Variants in SLC60A2 observed in about 807,000 individuals in gnomAD.
SLC60A2 encodes solute carrier family 60 member 2.
chr6:111,262,351 G>A, the SLC60A2 span: 4 of 1,613,980 alleles, frequency 2.5e-6, no homozygotes, highest in South Asian at 2.2e-5. Flanking sequence ...TTTGTGGGTC[G>A]TGCCTTGGGA....
the SLC60A2 span, chr6:111,264,088 A>G: frequency 1.9e-6 from 1 of 525,628 alleles, no homozygotes; most frequent in Non-Finnish European, 3.4e-6. Flanking sequence ...AGAATGAATC[A>G]CCCTTCTAGC....
the SLC60A2 span, chr6:111,270,252 G>A: frequency 6.6e-5 from 10 of 152,276 alleles, no homozygotes; most frequent in South Asian, 1.2e-3. Flanking sequence ...ATATTCTAGC[G>A]TCTAGAAGCA....
the SLC60A2 span, chr6:111,266,774 A>G: frequency 3.1e-6 from 5 of 1,614,126 alleles, no homozygotes; most frequent in East Asian, 2.2e-5. Context: ...TTCCTGTGCT[A>G]TATAAATTAG....
chr6:111,272,562 A>G, the SLC60A2 span, among the ~76,000 whole-genome samples: 12 of 144,030 alleles, frequency 8.3e-5, no homozygotes, highest in Non-Finnish European at 1.0e-4. Context: ...CCCAGGCTGC[A>G]GTGTAATGGC....
chr6:111,267,303 T>G, the SLC60A2 span: 1 of 568,018 alleles, frequency 1.8e-6, no homozygotes, highest in Non-Finnish European at 3.1e-6. Context: ...AATAACCAAA[T>G]GGTCTCATAC....
chr6:111,271,840 G>T, the SLC60A2 span, among the ~76,000 whole-genome samples: 254 of 142,598 alleles, frequency 1.8e-3, 1 homozygote, highest in Non-Finnish European at 2.8e-3. Flanking sequence ...GTGGTGGCAG[G>T]CATTTGTAAT....
At chr6:111,267,135 C>G in the SLC60A2 span, 5 of 1,576,358 alleles carry the variant, frequency 3.2e-6, no homozygotes, top group Non-Finnish European at 4.3e-6. Context: ...ATGGATTACT[C>G]ACTGACATCT....
the SLC60A2 span, chr6:111,278,802 G>A: frequency 6.6e-6 from 1 of 152,160 alleles, no homozygotes; most frequent in Non-Finnish European, 1.5e-5. Flanking sequence ...GAATGATATA[G>A]GAAGTTCTTA....
chr6:111,279,383 G>A, the SLC60A2 span, among the ~76,000 whole-genome samples: 7 of 151,722 alleles, frequency 4.6e-5, no homozygotes, highest in Non-Finnish European at 8.8e-5. Context: ...TGAGTAGCTG[G>A]GACTACAGGC....
At chr6:111,266,306 T>C in the SLC60A2 span, 1 of 1,613,996 alleles carries the variant, frequency 6.2e-7, no homozygotes, top group Non-Finnish European at 8.5e-7. Flanking sequence ...AGGTAACATA[T>C]GGCTCTTATG....
the SLC60A2 span, chr6:111,262,425 G>A: frequency 2.5e-6 from 4 of 1,608,666 alleles, no homozygotes; most frequent in Non-Finnish European, 3.4e-6. Flanking sequence ...TTTACTTTTG[G>A]GTAAGTAAAT....
At chr6:111,264,465 T>G in the SLC60A2 span, among the ~76,000 whole-genome samples, 2 of 152,112 alleles carry the variant, frequency 1.3e-5, no homozygotes, top group African/African-American at 4.8e-5. Flanking sequence ...TGCAGTAGAT[T>G]CTTTCCCGTA....
the SLC60A2 span, among the ~76,000 whole-genome samples, chr6:111,272,950 C>G: frequency 6.6e-6 from 1 of 152,012 alleles, no homozygotes; most frequent in Non-Finnish European, 1.5e-5. Flanking sequence ...CCTGCCTCAG[C>G]CTCCCAAGTA....
chr6:111,276,619 A>C, the SLC60A2 span, among the ~76,000 whole-genome samples: 1 of 152,192 alleles, frequency 6.6e-6, no homozygotes, highest in Non-Finnish European at 1.5e-5. Context: ...CTAAGTATTA[A>C]TGAACTTTCT....
the SLC60A2 span, chr6:111,266,283 T>TATGTTG: frequency 1.2e-6 from 2 of 1,614,138 alleles, no homozygotes; most frequent in Non-Finnish European, 1.7e-6. Context: ...CTTCTTTTTT[T>TATGTTG]ATGTTGGAGC....
At chr6:111,263,360 T>TA in the SLC60A2 span, among the ~76,000 whole-genome samples, 15 of 152,360 alleles carry the variant, frequency 9.8e-5, no homozygotes, top group South Asian at 3.1e-3. Flanking sequence ...TAATCCCTCT[T>TA]ATTTCCAAAG....
chr6:111,272,831 A>G, the SLC60A2 span, among the ~76,000 whole-genome samples: 2 of 150,876 alleles, frequency 1.3e-5, no homozygotes, highest in Non-Finnish European at 2.9e-5. Context: ...CTGTATATAT[A>G]TATGTGTATA....
the SLC60A2 span, among the ~76,000 whole-genome samples, chr6:111,273,920 A>T: frequency 1.6e-4 from 24 of 152,154 alleles, no homozygotes; most frequent in Admixed American, 3.3e-4. Flanking sequence ...GTGGGGCCTC[A>T]GTATGTTTCC....
the SLC60A2 span, chr6:111,262,512 A>C: frequency 1.5e-6 from 2 of 1,303,354 alleles, no homozygotes; most frequent in Non-Finnish European, 1.1e-6. Flanking sequence ...TAGCATGCAG[A>C]ATGGTTGGCC....
Sources: allele counts gnomAD v4.1 joint callset (sites outside exome capture counted in the v4.1 genomes callset), GRCh38; gene constraint gnomAD v4.1.1; transcripts MANE v1.5; gene names NCBI Gene and HGNC (gene_info 2026-07-23, HGNC 2026-07-21).